The following PAX3 variants were observed in gnomAD, a reference collection of about 807,000 sequenced individuals.
The protein encoded by PAX3 is paired box 3, also known as paired box protein Pax-3.
In PAX3, 14 loss-of-function variants were observed where a neutral mutation model predicts 51.6. The ratio of observed to expected loss-of-function variants is 0.27; its 90% CI spans 0.18 to 0.42. The LOEUF is 0.42. PAX3 is among the 10% of genes least tolerant of loss of function. The probability of loss-of-function intolerance (pLI) is 1.00; values close to 1 mark genes in which losing one functional copy is unlikely to be tolerated. For missense variants in PAX3, 540 were observed against 642.8 expected (o/e 0.84, Z 1.73); for synonymous variants, 280 against 253.4 (o/e 1.11, Z -1.00).
rs540220169 is a variant in PAX3, at chr2:222,219,073, G to C, written c.1173+1067C>G. Among the ~76,000 whole-genome samples, 236 of 151,656 alleles carry C rather than the reference G, an allele frequency of 1.6e-3. 2 individuals carry two copies. The highest frequency in any genetic ancestry group is 5.3e-3 in the African/African-American group (220 of 41,374). On this transcript the variant is annotated intron_variant, in intron 7 of 8. Transcript: ENST00000392070. The stretch of plus-strand genomic sequence containing the variant: ...GCAAAGATATACGAGTCGTTATTTT[G>C]GCCACCCTTTGTGCCATTAAAATCT...
At chr2:222,293,249 C>T (rs1445615086) in intron 4 of PAX3, among the ~76,000 whole-genome samples, 6 of 152,208 alleles carry the variant, frequency 3.9e-5, no homozygotes, top group Non-Finnish European at 5.9e-5. Context: ...GCAACCACCC[C>T]CAAGGCCAAA....
In PAX3 at chr2:222,294,181, A is replaced by G. The variant is rs199560470; in HGVS notation, c.572T>C (p.Ile191Thr). The change falls in exon 4 of 9, where the codon ATC becomes ACC. Residue 191 changes from isoleucine (I) to threonine (T), a missense_variant. This residue lies in a region of PAX3 where 427 missense variants were observed against 483.6 expected (regional missense o/e 0.88). Transcript: ENST00000392070. ...CCACCGCTTACCTCGCTCGCTCAGG[A>G]TGCCGTCGATGCTGTGTTTGGCCTT... is the stretch of plus-strand genomic sequence containing the variant. ...EKKAKHSIDG[I>T]LSERASAPQS... 6.4e-5 allele frequency: 104 copies of G among 1,614,206 alleles called. 1 individual carries two copies. The Admixed American group carries it at 1.7e-3, about 26-fold the overall frequency.
chr2:222,271,911 G>T (rs1694265287), intron 4 of PAX3, among the ~76,000 whole-genome samples: 1 of 152,170 alleles, frequency 6.6e-6, no homozygotes, highest in Admixed American at 6.5e-5. Flanking sequence ...AACAAGAAAG[G>T]TGTTCCAACT....
At chr2:222,232,042 G>C (rs1028313299) in intron 5 of PAX3, 36 bp downstream of exon 5, 8 of 1,586,888 alleles carry the variant, frequency 5.0e-6, no homozygotes, top group Non-Finnish European at 6.9e-6. Flanking sequence ...TTCCTGTCTG[G>C]ACTGAAGTAG....
intron 4 of PAX3, among the ~76,000 whole-genome samples, chr2:222,286,560 T>A (rs531236741): frequency 3.9e-4 from 60 of 152,356 alleles, no homozygotes; most frequent in Admixed American, 1.2e-3. Flanking sequence ...AGGTGTTTTG[T>A]TTTGTTTTGT....
intron 4 of PAX3, among the ~76,000 whole-genome samples, chr2:222,292,095 C>T (rs1400060513): frequency 6.6e-6 from 1 of 151,806 alleles, no homozygotes; most frequent in South Asian, 2.1e-4. Flanking sequence ...GAATAGCAGC[C>T]GGCCCAGCTA....
chr2:222,220,234 C>T lies in PAX3; in HGVS notation c.1079G>A (p.Arg360Lys), dbSNP rs1156289211. 1 of 1,613,924 alleles carries T rather than the reference C, an allele frequency of 6.2e-7. No individual in the cohort carries two copies. The highest frequency in any genetic ancestry group is 1.7e-5 in the Admixed American group (1 of 60,002). ...GTCTGTATAGCTGGAAAATCCATGC[C>T]TGGTGCTGGGGAGGCAGTAGGCAGA... ...SSSAYCLPST[R>K]HGFSSYTDSF... Residue 360 changes from arginine to lysine, a missense_variant, in exon 7 of 9, where the codon AGG becomes AAG. Transcript: ENST00000392070.
At chr2:222,222,931 G>A (rs551806629) in intron 5 of PAX3, among the ~76,000 whole-genome samples, 3 of 152,240 alleles carry the variant, frequency 2.0e-5, no homozygotes, top group East Asian at 1.9e-4. Flanking sequence ...TTCTAATTTC[G>A]ACGAGCGATC....
chr2:222,236,343 C>T (rs2106102572), intron 4 of PAX3, among the ~76,000 whole-genome samples: 2 of 152,252 alleles, frequency 1.3e-5, no homozygotes, highest in South Asian at 4.2e-4. Flanking sequence ...ATCTTCCCAC[C>T]CCAGCCTCCC....
At chr2:222,282,868 G>T (rs999505825) in intron 4 of PAX3, among the ~76,000 whole-genome samples, 4 of 152,248 alleles carry the variant, frequency 2.6e-5, no homozygotes, top group Admixed American at 2.0e-4. Context: ...GGTAGTCATT[G>T]TTAGCAGAAC....
At chr2:222,248,375 G>A (rs993423511) in intron 4 of PAX3, among the ~76,000 whole-genome samples, 2 of 152,160 alleles carry the variant, frequency 1.3e-5, no homozygotes, top group Non-Finnish European at 2.9e-5. Context: ...ATACCTTTCT[G>A]CACATCTTCA....
intron 7 of PAX3, among the ~76,000 whole-genome samples, chr2:222,202,597 T>C (rs933942930): frequency 3.3e-5 from 5 of 152,204 alleles, no homozygotes; most frequent in Admixed American, 6.5e-5. Context: ...TCTGGAAGTT[T>C]CACATGTGAT....
At chr2:222,203,334 T>A (rs1256243865) in intron 7 of PAX3, among the ~76,000 whole-genome samples, 2 of 151,252 alleles carry the variant, frequency 1.3e-5, no homozygotes, top group African/African-American at 4.9e-5. Context: ...TGTGGCAGGG[T>A]TCAAAAGCAA....
rs1201467155 is a variant in PAX3, at chr2:222,260,556, TTTTTTTTTG to T, written c.587-28282_587-28274del. On this transcript the variant is annotated intron_variant, in intron 4 of 8. Coordinates refer to ENST00000392070, the MANE Select transcript of PAX3 (RefSeq NM_181458.4). ...AAACTATTTCAAGCAACACAAGTTT[TTTTTTTTTG>T]TTTTTTTTTTTTGTTTTTTTTTTTT... 2.1e-4 allele frequency among the ~76,000 whole-genome samples: 14 copies of T among 66,550 alleles called. No homozygotes were observed. In the East Asian group the frequency reaches 6.3e-3, roughly 30 times the overall value. 43.7% of individuals were successfully genotyped at this position (66,550 alleles called of 152,430 possible).
In PAX3 at chr2:222,298,507, C is replaced by T. The variant is rs954040458; in HGVS notation, c.85+24G>A. The T allele has an allele frequency of 1.9e-6, 3 of 1,572,158 alleles. No individual in the cohort carries two copies. In the African/African-American group the frequency reaches 4.1e-5, roughly 21 times the overall value. The stretch of plus-strand genomic sequence containing the variant: ...CCGGTCCCAGGCCCTGGGATCCAGG[C>T]GGCGCGCTGAGGCCCTCCCTTACCT... On this transcript the variant is annotated intron_variant, in intron 1 of 8. Transcript: ENST00000392070.
intron 4 of PAX3, among the ~76,000 whole-genome samples, chr2:222,252,380 T>A (rs577601633): frequency 2.9e-4 from 44 of 152,312 alleles, no homozygotes; most frequent in Non-Finnish European, 4.7e-4. Flanking sequence ...AATTTTCAAA[T>A]CAACATTATT....
intron 4 of PAX3, among the ~76,000 whole-genome samples, chr2:222,288,369 T>A (rs1016248718): frequency 1.3e-5 from 2 of 152,212 alleles, no homozygotes; most frequent in Non-Finnish European, 2.9e-5. Flanking sequence ...ACAATGCACA[T>A]ACATACACAT....
intron 4 of PAX3, among the ~76,000 whole-genome samples, chr2:222,252,318 T>C (rs1006782521): frequency 4.2e-4 from 64 of 152,194 alleles, no homozygotes; most frequent in Non-Finnish European, 3.2e-4. Flanking sequence ...TTATAGGTGC[T>C]TACTATGCAC....
chr2:222,290,209 C>T (rs1574756098), intron 4 of PAX3, among the ~76,000 whole-genome samples: 1 of 152,280 alleles, frequency 6.6e-6, no homozygotes, highest in Middle Eastern at 3.4e-3. Flanking sequence ...ACCTTTAATG[C>T]TTTTCTGCGT....
Sources: gnomAD v4.1 joint callset for allele counts (sites outside exome capture counted in the v4.1 genomes callset) on GRCh38, gnomAD v4.1.1 for gene constraint, gnomAD v4.1.1 regional missense constraint, MANE v1.5 for transcripts, NCBI Gene and HGNC (gene_info 2026-07-23, HGNC 2026-07-21) for gene names.